PARVA: variants seen among roughly 807,000 people sequenced by gnomAD.
PARVA encodes the protein alpha-parvin.
Under a neutral mutation model 52.6 loss-of-function variants are expected in PARVA, and 25 were observed. The observed-to-expected ratio is 0.48, with a 90% confidence interval of 0.35 to 0.66. The LOEUF is 0.66. Among genes scored for constraint, PARVA ranks in the 30% least tolerant of loss-of-function variants. The probability of loss-of-function intolerance (pLI) is 0.01; values close to 1 mark genes in which losing one functional copy is unlikely to be tolerated. For synonymous variants in PARVA, 185 were observed against 179.1 expected (o/e 1.03, Z -0.26); for missense variants, 373 against 450.9 (o/e 0.83, Z 1.56).
chr11:12,499,997 T>C (rs1350766131), intron 5 of PARVA, among the ~76,000 whole-genome samples: 1 of 152,164 alleles, frequency 6.6e-6, no homozygotes, highest in African/African-American at 2.4e-5. Flanking sequence ...TGTTCTCCGT[T>C]TTCCCACTGA....
chr11:12,438,266 A>AC (rs1454349707), intron 1 of PARVA, among the ~76,000 whole-genome samples: 174 of 152,054 alleles, frequency 1.1e-3, no homozygotes, highest in African/African-American at 3.8e-3. Context: ...TCTCAAAAAA[A>AC]AAAAAAAAAA....
chr11:12,412,482 A>T (rs967603288), intron 1 of PARVA, among the ~76,000 whole-genome samples: 1 of 152,202 alleles, frequency 6.6e-6, no homozygotes, highest in Non-Finnish European at 1.5e-5. Context: ...GGGCTCCGGG[A>T]TGCAGTTCAC....
intron 4 of PARVA, among the ~76,000 whole-genome samples, chr11:12,483,258 G>A (rs1941111935): frequency 6.6e-6 from 1 of 152,190 alleles, no homozygotes; most frequent in Non-Finnish European, 1.5e-5. Flanking sequence ...ACTTGCCCTG[G>A]CAGCAGATCT....
chr11:12,414,378 C>T (rs934268562), intron 1 of PARVA, among the ~76,000 whole-genome samples: 10 of 151,606 alleles, frequency 6.6e-5, no homozygotes, highest in African/African-American at 2.0e-4. Flanking sequence ...GGTTTAAATG[C>T]GAAACTTTTG....
At chr11:12,499,570 T>C (rs928221306) in intron 5 of PARVA, among the ~76,000 whole-genome samples, 1 of 152,164 alleles carries the variant, frequency 6.6e-6, no homozygotes, top group Non-Finnish European at 1.5e-5. Flanking sequence ...AAACACTTTA[T>C]GTATTTTAAT....
chr11:12,493,688 T>C (rs1413658704), intron 4 of PARVA, among the ~76,000 whole-genome samples: 4 of 152,102 alleles, frequency 2.6e-5, no homozygotes, highest in African/African-American at 9.7e-5. Context: ...TTAAATATAT[T>C]AGTGGAAACA....
At position 12,514,002 on chromosome 11, in the gene PARVA, C is replaced by T. The variant is rs771516000; in HGVS notation, c.804C>T (p.Leu268=). The T allele has an allele frequency of 2.3e-5, 37 of 1,613,736 alleles. No homozygotes were observed. The South Asian group carries it at 3.6e-4, about 16-fold the overall frequency. Residue 268 remains leucine, a synonymous_variant, in exon 10 of 13, where the codon CTC becomes CTT. Transcript: ENST00000334956. ...PDKLNVVKKT[L]ITFVNKHLNK... The stretch of plus-strand genomic sequence containing the variant: ...CTGCTTTGCTTCTCTTTTAGACACT[C>T]ATCACTTTCGTGAACAAGCACCTGA...
chr11:12,505,664 G>T (rs958315277), intron 6 of PARVA, among the ~76,000 whole-genome samples: 1 of 152,124 alleles, frequency 6.6e-6, no homozygotes, highest in Non-Finnish European at 1.5e-5. Flanking sequence ...AAATGTCCTC[G>T]TTATTGAGCT....
intron 1 of PARVA, among the ~76,000 whole-genome samples, chr11:12,425,620 T>A (rs1940220154): frequency 6.6e-6 from 1 of 152,216 alleles, no homozygotes; most frequent in Non-Finnish European, 1.5e-5. Context: ...TGTGCCTTCA[T>A]CTTGGCAAAT....
At chr11:12,476,682 A>G (rs1157226859) in intron 3 of PARVA, among the ~76,000 whole-genome samples, 2 of 152,050 alleles carry the variant, frequency 1.3e-5, no homozygotes, top group Admixed American at 1.3e-4. Context: ...TTCTGCCCCC[A>G]TAAGCCTCTC....
intron 12 of PARVA, among the ~76,000 whole-genome samples, chr11:12,525,914 TGGGGTGG>T (rs1325352950): frequency 6.6e-6 from 1 of 150,396 alleles, no homozygotes; most frequent in African/African-American, 2.5e-5. Context: ...GGAGGGGCCT[TGGGGTGG>T]GGGGAACCTA....
At chr11:12,431,391 C>T (rs948216262) in intron 1 of PARVA, among the ~76,000 whole-genome samples, 3 of 152,228 alleles carry the variant, frequency 2.0e-5, no homozygotes, top group Non-Finnish European at 4.4e-5. Flanking sequence ...CAATCCAAAC[C>T]AGGAGGCTCA....
chr11:12,473,545 C>T (rs1050774012), intron 1 of PARVA, among the ~76,000 whole-genome samples, 200 bp from the exon 2 acceptor site: 3 of 152,168 alleles, frequency 2.0e-5, no homozygotes, highest in African/African-American at 7.2e-5. Context: ...GAAGTGACAG[C>T]TGGCAGAGGT....
intron 1 of PARVA, among the ~76,000 whole-genome samples, chr11:12,378,876 G>A (rs1939444795): frequency 6.6e-6 from 1 of 152,126 alleles, no homozygotes; most frequent in Non-Finnish European, 1.5e-5. Context: ...AGGGTTCTTG[G>A]ATCTCACGCA....
rs1373562190 is a variant in PARVA, at chr11:12,528,743, T to C, written c.*818T>C. 6.6e-6 allele frequency: 1 copy of C among 152,620 alleles called. No individual in the cohort carries two copies. The highest frequency in any genetic ancestry group is 1.5e-5 in the Non-Finnish European group (1 of 68,042). 9.5% of individuals were successfully genotyped at this position (152,620 alleles called of 1,614,324 possible). A position where few individuals can be genotyped will look rare whatever the true frequency, so the allele number is the denominator to read the frequency against. ...ATTGGCAAATTGGATTTAACCCAAT[T>C]AATAGTGTGTGTGTGGCAGGAGTCA... On this transcript the variant is annotated 3_prime_UTR_variant, in exon 13 of 13. Coordinates refer to ENST00000334956, the MANE Select transcript of PARVA (RefSeq NM_018222.5).
At chr11:12,441,928 T>C (rs531242768) in intron 1 of PARVA, among the ~76,000 whole-genome samples, 1 of 152,330 alleles carries the variant, frequency 6.6e-6, no homozygotes, top group Admixed American at 6.5e-5. Flanking sequence ...TGTCAAAAAA[T>C]AGCATGTGGT....
chr11:12,418,385 G>T (rs1177415026), intron 1 of PARVA, among the ~76,000 whole-genome samples: 1 of 152,200 alleles, frequency 6.6e-6, no homozygotes, highest in Non-Finnish European at 1.5e-5. Context: ...GAGGGCCGTA[G>T]TGGTGACCTC....
intron 1 of PARVA, among the ~76,000 whole-genome samples, chr11:12,437,861 C>T (rs12806489): frequency 3.3e-5 from 5 of 152,152 alleles, no homozygotes; most frequent in South Asian, 4.1e-4. Context: ...TGACTTTGTA[C>T]CTCTGCTGAA....
At chr11:12,441,772 A>G (rs1940469731) in intron 1 of PARVA, among the ~76,000 whole-genome samples, 1 of 152,208 alleles carries the variant, frequency 6.6e-6, no homozygotes, top group Non-Finnish European at 1.5e-5. Flanking sequence ...AAACGACTAT[A>G]TTTTAATGAT....
Sources: allele counts gnomAD v4.1 joint callset (sites outside exome capture counted in the v4.1 genomes callset), GRCh38; gene constraint gnomAD v4.1.1; transcripts MANE v1.5; gene names NCBI Gene and HGNC (gene_info 2026-07-23, HGNC 2026-07-21).